Variants in RASSF6 observed in about 807,000 individuals in gnomAD.
RASSF6 encodes Ras association domain family member 6, also known as ras association domain-containing protein 6.
RASSF6 carries 52 observed loss-of-function variants against 44.0 expected under a neutral mutation model. That is an observed-to-expected ratio of 1.18 (90% CI 0.95 to 1.49). The LOEUF (loss-of-function observed/expected upper bound fraction) is 1.49, where lower values mean the gene tolerates loss of function less well. Ranked by LOEUF, RASSF6 falls within the 40% of genes most tolerant of loss-of-function variation. RASSF6 has a pLI of 0.00. For synonymous variants in RASSF6, 162 were observed against 124.6 expected, an observed-to-expected ratio of 1.30 and a Z score of -2.00; for missense variants, 464 against 393.3, an observed-to-expected ratio of 1.18 and a Z score of -1.52.
chr4:73,611,472 A>G (rs931143697), intron 2 of RASSF6, among the ~76,000 whole-genome samples: 1 of 152,212 alleles, frequency 6.6e-6, no homozygotes, highest in Non-Finnish European at 1.5e-5. Flanking sequence ...CTGCTCTTCA[A>G]TATTATCCCA....
intron 1 of RASSF6, 124 bp downstream of exon 1, chr4:73,620,164 C>A: frequency 2.0e-6 from 1 of 507,978 alleles, no homozygotes. Flanking sequence ...GTGTGCGATT[C>A]AGGCTGCTAT....
chr4:73,578,155 T>C (rs1485333146), intron 8 of RASSF6, among the ~76,000 whole-genome samples: 3 of 152,206 alleles, frequency 2.0e-5, no homozygotes, highest in Admixed American at 6.5e-5. Flanking sequence ...AATAGACATT[T>C]TTTTCTTATA....
chr4:73,608,292 T>G (rs1235709791), intron 2 of RASSF6, among the ~76,000 whole-genome samples: 1 of 151,948 alleles, frequency 6.6e-6, no homozygotes, highest in African/African-American at 2.4e-5. Context: ...TAAACCTCCT[T>G]AATTGATAAA....
chr4:73,603,941 T>C (rs1287555575), intron 2 of RASSF6: 2 of 152,176 alleles, frequency 1.3e-5, no homozygotes, highest in East Asian at 3.9e-4. Flanking sequence ...TGTCCTAGTC[T>C]TTACAAAGTG....
chr4:73,606,105 A>C (rs971218260), intron 2 of RASSF6, among the ~76,000 whole-genome samples: 2 of 152,254 alleles, frequency 1.3e-5, no homozygotes, highest in African/African-American at 4.8e-5. Flanking sequence ...CCAAAAAGAC[A>C]TACACACCCC....
At chr4:73,581,617 T>G (rs114708312) in intron 8 of RASSF6, among the ~76,000 whole-genome samples, 200 bp downstream of exon 8, 181 of 152,294 alleles carry the variant, frequency 1.2e-3, no homozygotes, top group African/African-American at 4.0e-3. Flanking sequence ...AATCAACCCT[T>G]CAGGGATACC....
intron 8 of RASSF6, among the ~76,000 whole-genome samples, chr4:73,577,164 C>T (rs1000545887): frequency 5.9e-5 from 9 of 151,988 alleles, no homozygotes; most frequent in East Asian, 1.9e-4. Flanking sequence ...TCCTTTGTCT[C>T]GCTCCACACC....
At chr4:73,593,374 C>T in intron 4 of RASSF6, 77 bp downstream of exon 4, 7 of 1,341,592 alleles carry the variant, frequency 5.2e-6, no homozygotes, top group East Asian at 2.4e-5. Flanking sequence ...TTAAGTTTCC[C>T]TCCTTAAGAG....
At chr4:73,606,197 A>G (rs925868588) in intron 2 of RASSF6, among the ~76,000 whole-genome samples, 1 of 152,250 alleles carries the variant, frequency 6.6e-6, no homozygotes, top group African/African-American at 2.4e-5. Context: ...GGATAAAAAC[A>G]ATGTGGTACA....
In RASSF6 at chr4:73,611,809, T is replaced by C. The variant is rs1375044133; in HGVS notation, c.-14A>G. 1.2e-6 allele frequency: 2 copies of C among 1,608,162 alleles called. No homozygotes were observed. The highest frequency in any genetic ancestry group is 1.7e-6 in the Non-Finnish European group (2 of 1,175,262). On this transcript the variant is annotated 5_prime_UTR_variant, in exon 2 of 11. Coordinates refer to ENST00000307439, the MANE Select transcript of RASSF6 (RefSeq NM_177532.5). Reference sequence around the variant, plus strand: ...CATCATAGTCATCTTTTCCTCCTTTTTGAGATGGTCTGAGGATATCCTAAA... The same window carrying C: ...CATCATAGTCATCTTTTCCTCCTTTCTGAGATGGTCTGAGGATATCCTAAA...
chr4:73,620,265 T>C, intron 1 of RASSF6, 23 bp downstream of exon 1: 1 of 1,387,618 alleles, frequency 7.2e-7, no homozygotes. Flanking sequence ...TAGAAAGTTT[T>C]TTTCCCCATC....
Position 73,576,521 on chromosome 4 carries a change from A to G in RASSF6, c.841-14T>C. ...GTACTGAGCCACCTAAGAAAGAAGA[A>G]GAAGAAAAAAAAAAGAAAGCAGAAC... On this transcript the variant is annotated splice_polypyrimidine_tract_variant and intron_variant, in intron 9 of 10. Coordinates refer to ENST00000307439, the MANE Select transcript of RASSF6 (RefSeq NM_177532.5). The G allele has an allele frequency of 6.4e-7, 1 of 1,559,006 alleles. No individual in the cohort carries two copies. The highest frequency in any genetic ancestry group is 1.2e-5 in the South Asian group (1 of 83,834).
chr4:73,615,809 T>G, intron 1 of RASSF6: 1 of 1,132,640 alleles, frequency 8.8e-7, no homozygotes, highest in Non-Finnish European at 1.3e-6. Flanking sequence ...TTGGGCAGCA[T>G]TAGCGTTCCA....
At chr4:73,596,857 A>C (rs1315806471) in intron 3 of RASSF6, among the ~76,000 whole-genome samples, 1 of 152,180 alleles carries the variant, frequency 6.6e-6, no homozygotes, top group East Asian at 1.9e-4. Flanking sequence ...AATATGACAA[A>C]AACAAGCAGA....
intron 8 of RASSF6, 130 bp from the exon 9 acceptor site, chr4:73,576,861 TACTC>T (rs1723272748): frequency 1.6e-6 from 1 of 637,984 alleles, no homozygotes; most frequent in Non-Finnish European, 2.8e-6. Context: ...AGGAGGCAAT[TACTC>T]AAAAAAGCAA....
At chr4:73,582,026 G>C (rs769002917) in intron 7 of RASSF6, among the ~76,000 whole-genome samples, 158 bp from the exon 8 acceptor site, 31 of 151,946 alleles carry the variant, frequency 2.0e-4, no homozygotes, top group Non-Finnish European at 3.1e-4. Flanking sequence ...ATTTTTCAAG[G>C]GATAGTTACT....
chr4:73,596,986 T>C (rs946489789), intron 3 of RASSF6, among the ~76,000 whole-genome samples: 5 of 152,042 alleles, frequency 3.3e-5, no homozygotes, highest in African/African-American at 1.2e-4. Context: ...GATGGACTAA[T>C]GATCGAAATG....
chr4:73,585,672 G>A (rs934487571), intron 5 of RASSF6, among the ~76,000 whole-genome samples: 1 of 151,832 alleles, frequency 6.6e-6, no homozygotes, highest in Non-Finnish European at 1.5e-5. Context: ...AGTGCATTTT[G>A]TGGCATTTCA....
intron 1 of RASSF6, among the ~76,000 whole-genome samples, chr4:73,614,555 C>T (rs1292247454): frequency 1.3e-5 from 2 of 152,204 alleles, no homozygotes; most frequent in African/African-American, 4.8e-5. Flanking sequence ...CTGATAGCAG[C>T]TTCTTATAAT....
Sources: gnomAD v4.1 joint callset for allele counts (sites outside exome capture counted in the v4.1 genomes callset) on GRCh38, gnomAD v4.1.1 for gene constraint, MANE v1.5 for transcripts, NCBI Gene and HGNC (gene_info 2026-07-23, HGNC 2026-07-21) for gene names.